TRAF3IP3: variants seen among roughly 807,000 people sequenced by gnomAD.
TRAF3IP3 encodes TRAF3-interacting JNK-activating modulator.
Under a neutral mutation model 86.5 loss-of-function variants are expected in TRAF3IP3, and 64 were observed. The ratio of observed to expected loss-of-function variants is 0.74; its 90% confidence interval spans 0.60 to 0.91. The LOEUF is 0.91. Ranked by LOEUF, TRAF3IP3 falls within the 40% of genes least tolerant of loss-of-function variation. TRAF3IP3 has a pLI of 0.00. For synonymous variants in TRAF3IP3, 220 were observed against 243.9 expected (o/e 0.90, Z 0.91); for missense variants, 579 against 642.9 (o/e 0.90, Z 1.07).
In TRAF3IP3 at chr1:209,782,088, G is replaced by A. The variant is rs773715802; in HGVS notation, c.1596G>A (p.Met532Ile). Reference sequence around the variant, plus strand: ...GTGGGCGATGGCTCCCAGTGCTGATGGTGGTGATTGCTGCAGCACTGGCAG... The same window carrying A: ...GTGGGCGATGGCTCCCAGTGCTGATAGTGGTGATTGCTGCAGCACTGGCAG... ...RQCGRWLPVL[M>I]VVIAAALAVF... is the part of the protein sequence containing the mutation. Residue 532 changes from methionine (M) to isoleucine (I), a missense_variant, in exon 17 of 17, where the codon ATG (methionine) becomes ATA (isoleucine). Physicochemically the swap from Met to Ile is conservative, Grantham distance 10 (BLOSUM62 1). Transcript: ENST00000367025. The A allele has an allele frequency of 6.2e-7, 1 of 1,614,160 alleles. No homozygotes were observed.
At chr1:209,765,089 C>A (rs563549855) in intron 8 of TRAF3IP3, among the ~76,000 whole-genome samples, 29 of 151,746 alleles carry the variant, frequency 1.9e-4, no homozygotes, top group African/African-American at 6.8e-4. Context: ...CCACGAGAAT[C>A]GCTTGAGCCC....
rs1166425426 is a variant in TRAF3IP3, at chr1:209,780,578, C to T, written c.1421C>T (p.Thr474Ile). Residue 474 changes from threonine (T) to isoleucine (I), a missense_variant, in exon 15 of 17, where the codon ACT becomes ATT. Physicochemically the swap from Thr to Ile is moderately conservative, Grantham distance 89 (BLOSUM62 -1). Coordinates refer to ENST00000367025, the MANE Select transcript of TRAF3IP3 (RefSeq NM_025228.4). The part of the protein sequence containing the change: ...WDLRDQLQKK[T>I]LQLQAKEKEC... ...CTCAGAGACCAGCTGCAAAAGAAGA[C>T]TTTGCAGCTCCAGGCCAAGGAAAAG... 6 of 1,596,320 alleles carry T rather than the reference C, an allele frequency of 3.8e-6. No homozygotes were observed. The highest frequency in any genetic ancestry group is 2.3e-5 in the East Asian group (1 of 43,820).
rs557322654 is a variant in TRAF3IP3, at chr1:209,779,362, T to C, written c.1300T>C (p.Leu434=). Reference sequence around the variant, plus strand: ...ACAGCTTCAAGAACAGGAGAAACTCTTAACAAAGAAAGGTCAGCAAATTTA... The same window carrying C: ...ACAGCTTCAAGAACAGGAGAAACTCCTAACAAAGAAAGGTCAGCAAATTTA... The part of the protein sequence containing the change: ...SLQLQEQEKL[L]TKKDQALPVW... Residue 434 remains leucine (L), a synonymous_variant, in exon 14 of 17, where the codon TTA becomes CTA. Coordinates refer to ENST00000367025, the MANE Select transcript of TRAF3IP3 (RefSeq NM_025228.4). 9 of 1,614,086 alleles carry C rather than the reference T, an allele frequency of 5.6e-6. No individual in the cohort carries two copies. In the East Asian group the frequency reaches 6.7e-5, roughly 12 times the overall value.
At chr1:209,767,492 C>A (rs2077378731) in intron 8 of TRAF3IP3, among the ~76,000 whole-genome samples, 1 of 152,066 alleles carries the variant, frequency 6.6e-6, no homozygotes, top group Non-Finnish European at 1.5e-5. Flanking sequence ...GTGATCAAGA[C>A]CAGCCTGGGC....
chr1:209,768,280 T>A (rs1426368960), intron 8 of TRAF3IP3: 1 of 985,266 alleles, frequency 1.0e-6, no homozygotes, highest in Non-Finnish European at 1.2e-6. Context: ...AAGGATCAGC[T>A]CCCTCCGCTG....
intron 8 of TRAF3IP3, among the ~76,000 whole-genome samples, chr1:209,765,178 G>GGA (rs375415223): frequency 3.3e-4 from 29 of 87,878 alleles, no homozygotes; most frequent in Admixed American, 6.1e-4. Flanking sequence ...CTGAGAGACA[G>GGA]GAGAGAGAGA....
At position 209,775,750 on chromosome 1, in the gene TRAF3IP3, G is replaced by C. The variant is rs757911345; in HGVS notation, c.1053+14G>C. 1.9e-6 allele frequency: 3 copies of C among 1,601,162 alleles called. No homozygotes were observed. The highest frequency in any genetic ancestry group is 1.1e-5 in the South Asian group (1 of 89,458). On this transcript the variant is annotated intron_variant, in intron 11 of 16. Coordinates refer to ENST00000367025, the MANE Select transcript of TRAF3IP3 (RefSeq NM_025228.4). ...TCCAAACTGCAGGTACCAGGCACTG[G>C]GGGTGGGGAGGGAAGACAGGGTATG... is the stretch of plus-strand genomic sequence containing the variant.
intron 3 of TRAF3IP3, 114 bp downstream of exon 3, chr1:209,760,498 G>A: frequency 7.8e-6 from 7 of 898,116 alleles, no homozygotes; most frequent in Non-Finnish European, 1.2e-5. Context: ...TTCTTCCTCA[G>A]TCATATAGTA....
intron 15 of TRAF3IP3, chr1:209,780,861 T>C (rs1020916594): frequency 4.0e-6 from 1 of 249,028 alleles, no homozygotes; most frequent in Admixed American, 5.4e-5. Context: ...ACACATTTAA[T>C]AAAAATATTA....
chr1:209,770,822 GGTGT>G lies in TRAF3IP3; in HGVS notation c.703-2121_703-2118del, dbSNP rs147851326. On this transcript the variant is annotated intron_variant, in intron 8 of 16. Transcript: ENST00000367025. ...ATGGAGGTGTGTGTGTGCAGGTGGAGGTGTGTGTCTATATAGAAGTGTGTGTGTG... is the reference window on the plus strand; with the variant it reads ...ATGGAGGTGTGTGTGTGCAGGTGGAGGTGTCTATATAGAAGTGTGTGTGTG... Among the ~76,000 whole-genome samples the G allele has an allele frequency of 9.6e-5, 10 of 103,880 alleles. No individual in the cohort carries two copies. The East Asian group carries it at 1.2e-3, about 13-fold the overall frequency. The allele number at this position is 103,880 out of a possible 152,430, so 68.1% of individuals were successfully genotyped here.
intron 1 of TRAF3IP3, among the ~76,000 whole-genome samples, chr1:209,756,845 C>T (rs1048835171): frequency 6.6e-6 from 1 of 152,206 alleles, no homozygotes; most frequent in Non-Finnish European, 1.5e-5. Flanking sequence ...TCTCTCTCTG[C>T]AGCCTGAGAG....
intron 8 of TRAF3IP3, among the ~76,000 whole-genome samples, chr1:209,771,480 G>T: frequency 7.4e-6 from 1 of 135,996 alleles, no homozygotes; most frequent in Non-Finnish European, 1.6e-5. Flanking sequence ...TGTGCATATG[G>T]AGGTGTGCGT....
At chr1:209,771,516 TG>T (rs2077524976) in intron 8 of TRAF3IP3, among the ~76,000 whole-genome samples, 2 of 117,014 alleles carry the variant, frequency 1.7e-5, no homozygotes, top group Admixed American at 8.8e-5. Context: ...TGTGTGAAGG[TG>T]TGTGTGTGCA....
intron 8 of TRAF3IP3, among the ~76,000 whole-genome samples, chr1:209,764,283 C>T (rs2077299107): frequency 6.6e-6 from 1 of 151,714 alleles, no homozygotes; most frequent in African/African-American, 2.4e-5. Context: ...CATGACTAAA[C>T]AATACAAAAA....
At position 209,780,461 on chromosome 1, in the gene TRAF3IP3, C is replaced by CT; in HGVS notation, c.1313-3dup. 1.9e-6 allele frequency: 3 copies of CT among 1,545,800 alleles called. No homozygotes were observed. Among genetic ancestry groups the CT allele is most frequent in the Non-Finnish European group, 2.6e-6 (3 of 1,140,438 alleles). On this transcript the variant is annotated splice_polypyrimidine_tract_variant and intron_variant, in intron 14 of 16. Coordinates refer to ENST00000367025, the MANE Select transcript of TRAF3IP3 (RefSeq NM_025228.4). Reference sequence around the variant, plus strand: ...CTCACTGTCACCAAGAATCTGGCTGCTTTTTTAGATCAGGCTTTGCCCGTG... The same window carrying CT: ...CTCACTGTCACCAAGAATCTGGCTGCTTTTTTTAGATCAGGCTTTGCCCGTG...
chr1:209,772,902 G>A (rs1244169270), intron 8 of TRAF3IP3, 46 bp from the exon 9 acceptor site: 1 of 1,531,308 alleles, frequency 6.5e-7, no homozygotes, highest in Non-Finnish European at 9.0e-7. Flanking sequence ...ACTCTTTGCA[G>A]ACTAGATTTT....
rs568420391 is a variant in TRAF3IP3 at position 209,762,204 on chromosome 1, C to T, written c.346-311C>T. 4.3e-4 allele frequency among the ~76,000 whole-genome samples: 65 copies of T among 152,282 alleles called. 1 individual carries two copies. The highest frequency in any genetic ancestry group is 1.6e-3 in the African/African-American group (65 of 41,556). ...AGCACTCTTCCCACTATGCAGATGG[C>T]CTTCTTCTCATTGTGTCCTCACAAG... On this transcript the variant is annotated intron_variant, in intron 3 of 16. Transcript: ENST00000367025.
At chr1:209,777,284 G>A in intron 11 of TRAF3IP3, 68 bp from the exon 12 acceptor site, 1 of 1,419,402 alleles carries the variant, frequency 7.0e-7, no homozygotes, top group South Asian at 1.4e-5. Context: ...CTCTTCCATG[G>A]TACCCGCCCC....
chr1:209,777,681 C>T, intron 12 of TRAF3IP3, 194 bp downstream of exon 12: 1 of 599,450 alleles, frequency 1.7e-6, no homozygotes, highest in Middle Eastern at 4.6e-4. Context: ...ATTAATTTCA[C>T]TGTAGTAGAT....
Sources: allele counts gnomAD v4.1 joint callset (sites outside exome capture counted in the v4.1 genomes callset), GRCh38; gene constraint gnomAD v4.1.1; transcripts MANE v1.5; gene names NCBI Gene and HGNC (gene_info 2026-07-23, HGNC 2026-07-21).